DNAH1: variants seen among roughly 807,000 people sequenced by gnomAD.
The protein encoded by DNAH1 is axonemal beta dynein heavy chain 1.
Under a neutral mutation model 484.3 loss-of-function variants are expected in DNAH1, and 327 were observed. The ratio of observed to expected loss-of-function variants is 0.68; its 90% CI spans 0.62 to 0.74. The LOEUF is 0.74. Ranked by LOEUF, DNAH1 falls within the 30% of genes least tolerant of loss-of-function variation. The pLI is 0.00. For missense variants in DNAH1, 5,052 were observed against 5,546.8 expected, an observed-to-expected ratio of 0.91 and a Z score of 2.83; for synonymous variants, 2,192 against 2,191.9, an observed-to-expected ratio of 1.00 and a Z score of 0.00.
rs1704575026 is a variant in DNAH1 at position 52,395,401 on chromosome 3, T to C, written c.11062T>C (p.Tyr3688His). Reference protein sequence around the residue: ...SPGTDPAADLYKFAEEMKFSK... With the variant: ...SPGTDPAADLHKFAEEMKFSK... ...CGGCACAGACCCTGCTGCCGACCTC[T>C]ACAAGTTTGCCGAAGAAATGAAGTT... The change falls in exon 69 of 78, where the codon TAC becomes CAC. Residue 3688 changes from tyrosine to histidine, a missense_variant. Physicochemically the swap from Tyr to His is moderately conservative, Grantham distance 83. Transcript: ENST00000420323. This position sits in a 1 kb window ranked among gnomAD's most constrained non-coding sequence, Gnocchi z 4.4. 3.7e-6 allele frequency: 6 copies of C among 1,613,890 alleles called. No individual in the cohort carries two copies. Among genetic ancestry groups the C allele is most frequent in the Non-Finnish European group, 4.2e-6 (5 of 1,179,872 alleles).
chr3:52,330,610 A>G (rs928623175), intron 6 of DNAH1, among the ~76,000 whole-genome samples: 1 of 152,220 alleles, frequency 6.6e-6, no homozygotes, highest in Non-Finnish European at 1.5e-5. Context: ...AGAAGTGGGC[A>G]CAGGCTTTCA....
intron 1 of DNAH1, among the ~76,000 whole-genome samples, chr3:52,320,823 C>T (rs1201018727): frequency 1.2e-4 from 14 of 117,750 alleles, no homozygotes; most frequent in Non-Finnish European, 1.9e-4. Flanking sequence ...TTTTTTTTGA[C>T]GGAATCTCGC....
At chr3:52,359,184 G>A (rs1195319687) in intron 25 of DNAH1, 62 bp from the exon 26 acceptor site, 1 of 1,534,368 alleles carries the variant, frequency 6.5e-7, no homozygotes, top group Non-Finnish European at 8.8e-7. Context: ...TTCAGAGGAA[G>A]AAGAAAGAAT....
chr3:52,343,261 C>T (rs1201577225), intron 8 of DNAH1, among the ~76,000 whole-genome samples: 1 of 152,074 alleles, frequency 6.6e-6, no homozygotes, highest in African/African-American at 2.4e-5. Context: ...GGGGCGGCTT[C>T]TAATGTGGGA....
At position 52,366,761 on chromosome 3, in the gene DNAH1, C is replaced by T. The variant is rs1191126652; in HGVS notation, c.5639C>T (p.Thr1880Met). Residue 1880 changes from threonine (T) to methionine (M), a missense_variant, in exon 36 of 78, where the codon ACG becomes ATG. Thr to Met is a moderately conservative substitution (Grantham distance 81, BLOSUM62 -1). Coordinates refer to ENST00000420323, the MANE Select transcript of DNAH1 (RefSeq NM_015512.5). ...TACAGAGTCCTGGCAGCTGCCATGACGTCACTGAAAGGGCAGCCATCCATC... is the reference window on the plus strand; with the variant it reads ...TACAGAGTCCTGGCAGCTGCCATGATGTCACTGAAAGGGCAGCCATCCATC... ...TCYRVLAAAM[T>M]SLKGQPSISG... The T allele has an allele frequency of 6.2e-6, 10 of 1,613,320 alleles. No homozygotes were observed. Among genetic ancestry groups the T allele is most frequent in the African/African-American group, 5.3e-5 (4 of 74,880 alleles).
chr3:52,370,099 A>G lies in DNAH1; in HGVS notation c.6139-11A>G. On this transcript the variant is annotated splice_polypyrimidine_tract_variant and intron_variant, in intron 38 of 77. Transcript: ENST00000420323. ...TGCCAGCCATGAGAACTGGGTGCCT[A>G]CTCCCTGCAGGAATCCATCTCCTTC... is the stretch of plus-strand genomic sequence containing the variant. The G allele has an allele frequency of 6.2e-7, 1 of 1,613,706 alleles. No homozygotes were observed. The highest frequency in any genetic ancestry group is 1.1e-5 in the South Asian group (1 of 91,058).
intron 46 of DNAH1, among the ~76,000 whole-genome samples, chr3:52,376,722 G>A (rs576847374): frequency 9.5e-4 from 144 of 152,168 alleles, no homozygotes; most frequent in African/African-American, 2.8e-3. Flanking sequence ...GCCCCAGCCC[G>A]TCACTCTACC....
intron 6 of DNAH1, among the ~76,000 whole-genome samples, chr3:52,329,810 G>A (rs1400860946): frequency 6.6e-6 from 1 of 150,878 alleles, no homozygotes; most frequent in African/African-American, 2.4e-5. Context: ...GGGCAACAGA[G>A]TGAGACTCCA....
intron 4 of DNAH1, 46 bp downstream of exon 4, chr3:52,326,360 C>G (rs751108875): frequency 1.3e-6 from 2 of 1,568,500 alleles, no homozygotes; most frequent in Non-Finnish European, 1.7e-6. Flanking sequence ...AGGTGGCATC[C>G]ACCCGCCTCA....
At chr3:52,371,781 G>A (rs1267606339) in intron 41 of DNAH1, among the ~76,000 whole-genome samples, 165 bp from the exon 42 acceptor site, 1 of 152,186 alleles carries the variant, frequency 6.6e-6, no homozygotes, top group Non-Finnish European at 1.5e-5. Flanking sequence ...CAGAAAGCAG[G>A]GCACAGGACT....
At position 52,354,941 on chromosome 3, in the gene DNAH1, C is replaced by G; in HGVS notation, c.3579C>G (p.Ala1193=). The G allele has an allele frequency of 6.2e-7, 1 of 1,614,016 alleles. No individual in the cohort carries two copies. Reference sequence around the variant, plus strand: ...ACATCCTGAAGAGCCCGGACGAGGCCTCACAGCTGCTGGACGACCACATCG... The same window carrying G: ...ACATCCTGAAGAGCCCGGACGAGGCGTCACAGCTGCTGGACGACCACATCG... ...DTYILKSPDE[A]SQLLDDHIVM... Residue 1193 remains alanine (A), a synonymous_variant, in exon 21 of 78, where the codon GCC becomes GCG. Transcript: ENST00000420323.
intron 3 of DNAH1, among the ~76,000 whole-genome samples, chr3:52,324,317 G>A (rs1489820189): frequency 6.6e-6 from 1 of 152,206 alleles, no homozygotes; most frequent in African/African-American, 2.4e-5. Context: ...AGGAAAGGGG[G>A]ACTCTCCTCT....
chr3:52,314,344 C>T (rs1218568798), upstream of DNAH1, among the ~76,000 whole-genome samples: 1 of 152,152 alleles, frequency 6.6e-6, no homozygotes, highest in South Asian at 2.1e-4. Flanking sequence ...CAACAGGCAT[C>T]CCCCCCTTGG....
chr3:52,383,577 C>T lies in DNAH1; in HGVS notation c.8133C>T (p.His2711=), dbSNP rs751891039. Residue 2711 remains histidine, a synonymous_variant, in exon 51 of 78, where the codon CAC becomes CAT. Transcript: ENST00000420323. ...CAGGGCGTGTGCGCAGCAACATCCA[C>T]ATGGTGCTGTGCATGAGGTACAGGC... ...AYTGRVRSNI[H]MVLCMSPIGE... 1.4e-4 allele frequency: 216 copies of T among 1,594,556 alleles called. 1 individual carries two copies. The highest frequency in any genetic ancestry group is 1.8e-4 in the Non-Finnish European group (212 of 1,170,150).
rs1200337804 is a variant in DNAH1 at position 52,368,458 on chromosome 3, G to A, written c.5766-283G>A. Among the ~76,000 whole-genome samples the A allele has an allele frequency of 6.6e-6, 1 of 152,118 alleles. No homozygotes were observed. Among genetic ancestry groups the A allele is most frequent in the Non-Finnish European group, 1.5e-5 (1 of 68,036 alleles). ...TCCTTGTCCATTGTCTTCCAGAGCT[G>A]CACTTCCTCCATCTCTGCTATTGCC... On this transcript the variant is annotated intron_variant, in intron 36 of 77. Transcript: ENST00000420323. The surrounding 1 kb of genome is among the most constrained non-coding windows in gnomAD (Gnocchi z 4.4).
Position 52,357,700 on chromosome 3 carries a change from C to G in DNAH1, c.3945C>G (p.Ser1315Arg). 1 of 1,587,028 alleles carries G rather than the reference C, an allele frequency of 6.3e-7. No homozygotes were observed. Among genetic ancestry groups the G allele is most frequent in the Non-Finnish European group, 8.6e-7 (1 of 1,166,352 alleles). Residue 1315 changes from serine to arginine, a missense_variant, in exon 23 of 78, where the codon AGC becomes AGG. Physicochemically the swap from Ser to Arg is moderately radical, Grantham distance 110. Coordinates refer to ENST00000420323, the MANE Select transcript of DNAH1 (RefSeq NM_015512.5). ...KILDLVQKGL[S>R]EYLETKRSAF... ...TGGACCTGGTGCAGAAGGGCCTCAG[C>G]GAGTATCTGGAGACCAAGAGGAGCG...
At position 52,389,553 on chromosome 3, in the gene DNAH1, G is replaced by A. The variant is rs751393038; in HGVS notation, c.9588G>A (p.Thr3196=). 1.3e-4 allele frequency: 196 copies of A among 1,536,400 alleles called. No homozygotes were observed. Among genetic ancestry groups the A allele is most frequent in the Non-Finnish European group, 1.6e-4 (187 of 1,139,556 alleles). The part of the protein sequence containing the change: ...PHTSEPTLIG[T]LGNPVKIRSW... ...CCTCCGAGCCCACGCTAATCGGGACGCTGGGGAACCCTGTGAAGATCCGAT... is the reference window on the plus strand; with the variant it reads ...CCTCCGAGCCCACGCTAATCGGGACACTGGGGAACCCTGTGAAGATCCGAT... The change falls in exon 60 of 78, where the codon ACG becomes ACA. Residue 3196 remains threonine (T), a synonymous_variant. Coordinates refer to ENST00000420323, the MANE Select transcript of DNAH1 (RefSeq NM_015512.5).
Position 52,374,098 on chromosome 3 carries a change from T to G in DNAH1, c.6985+1045T>G, listed in dbSNP as rs536426452. 5 of 1,094,130 alleles carry G rather than the reference T, an allele frequency of 4.6e-6. No homozygotes were observed. The East Asian group carries it at 7.1e-5, about 15-fold the overall frequency. The allele number at this position is 1,094,130 out of a possible 1,614,324, so 67.8% of individuals were successfully genotyped here. A position where few individuals can be genotyped will look rare whatever the true frequency, so the allele number is the denominator to read the frequency against. The stretch of plus-strand genomic sequence containing the variant: ...ACAGTGAAGATCCTCAGGAGAGAGA[T>G]TTTCTTAAAACCACCCTTCACAGAA... On this transcript the variant is annotated intron_variant, in intron 44 of 77. Transcript: ENST00000420323.
In DNAH1 at chr3:52,378,648, C is replaced by T. The variant is rs1703708455; in HGVS notation, c.7245C>T (p.Ala2415=). The T allele has an allele frequency of 6.2e-7, 1 of 1,613,698 alleles. No individual in the cohort carries two copies. The change falls in exon 47 of 78, where the codon GCC becomes GCT. Residue 2415 remains alanine, a synonymous_variant. Transcript: ENST00000420323. ...IAHFTEPLVE[A]TIMVYATITS... is the part of the protein sequence containing the mutation. The stretch of plus-strand genomic sequence containing the variant: ...ACTTCACGGAGCCCCTTGTGGAAGC[C>T]ACCATCATGGTGTATGCAACCATCA...
Sources: gnomAD v4.1 joint callset for allele counts (sites outside exome capture counted in the v4.1 genomes callset) on GRCh38, gnomAD v4.1.1 for gene constraint, Gnocchi (gnomAD v3.1) non-coding constraint, MANE v1.5 for transcripts, NCBI Gene and HGNC (gene_info 2026-07-23, HGNC 2026-07-21) for gene names.